The following CCSER1 variants were observed in gnomAD, a reference collection of about 807,000 sequenced individuals.
The protein encoded by CCSER1 is coiled-coil serine rich protein 1, also known as serine-rich coiled-coil domain-containing protein 1.
A neutral mutation model predicts 82.0 loss-of-function variants in CCSER1; 41 were observed. The ratio of observed to expected loss-of-function variants is 0.50; its 90% confidence interval spans 0.39 to 0.65. The LOEUF is 0.65. CCSER1 is among the 30% of genes least tolerant of loss of function. The probability of loss-of-function intolerance (pLI) is 0.00; values close to 1 mark genes in which losing one functional copy is unlikely to be tolerated. For missense variants in CCSER1, 1,119 were observed against 1,064.2 expected (o/e 1.05, Z -0.72); for synonymous variants, 414 against 383.9 (o/e 1.08, Z -0.92).
At chr4:90,184,457 A>C (rs1560760038) in intron 1 of CCSER1, among the ~76,000 whole-genome samples, 1 of 152,128 alleles carries the variant, frequency 6.6e-6, no homozygotes, top group Non-Finnish European at 1.5e-5. Flanking sequence ...ATTAAAAAAT[A>C]TTGCTGGAGC....
At chr4:91,595,519 GTGA>G (rs1037628135) in intron 10 of CCSER1, among the ~76,000 whole-genome samples, 17 of 152,204 alleles carry the variant, frequency 1.1e-4, no homozygotes, top group African/African-American at 3.8e-4. Flanking sequence ...TATTGTTACT[GTGA>G]TGATGATGAT....
At chr4:91,505,636 TCTGA>T (rs1419439160) in intron 10 of CCSER1, among the ~76,000 whole-genome samples, 1 of 152,196 alleles carries the variant, frequency 6.6e-6, no homozygotes, top group Non-Finnish European at 1.5e-5. Flanking sequence ...TAATCACCAT[TCTGA>T]CTGACATGAG....
intron 7 of CCSER1, among the ~76,000 whole-genome samples, chr4:90,803,972 T>C (rs1024620408): frequency 7.2e-5 from 11 of 152,328 alleles, no homozygotes; most frequent in African/African-American, 2.4e-4. Flanking sequence ...GTGATGATGA[T>C]TATTTTTTCT....
At chr4:91,523,621 GA>G (rs1760620394) in intron 10 of CCSER1, among the ~76,000 whole-genome samples, 1 of 152,158 alleles carries the variant, frequency 6.6e-6, no homozygotes, top group Admixed American at 6.5e-5. Flanking sequence ...ATGTGTCCAG[GA>G]ATTTATCCTT....
In CCSER1 at chr4:90,135,817, C is replaced by CAA. The variant is rs572132850; in HGVS notation, c.-42+7990_-42+7991dup. 2.0e-3 allele frequency among the ~76,000 whole-genome samples: 309 copies of CAA among 152,252 alleles called. 4 individuals are homozygous for CAA. Among genetic ancestry groups the CAA allele is most frequent in the African/African-American group, 6.6e-3 (273 of 41,548 alleles). ...TTATAGAGTTGAAGTCCGTCAGTTT[C>CAA]AAAAATAATCATGCACCTCTTATTG... On this transcript the variant is annotated intron_variant, in intron 1 of 10. Coordinates refer to ENST00000509176, the MANE Select transcript of CCSER1 (RefSeq NM_001145065.2).
chr4:90,583,155 A>T (rs1288145718), intron 5 of CCSER1, among the ~76,000 whole-genome samples: 1 of 152,078 alleles, frequency 6.6e-6, no homozygotes, highest in Admixed American at 6.6e-5. Context: ...TTCACATTTT[A>T]AAAATTTGTG....
At chr4:90,671,122 T>A (rs2149146956) in intron 6 of CCSER1, among the ~76,000 whole-genome samples, 1 of 152,222 alleles carries the variant, frequency 6.6e-6, no homozygotes, top group African/African-American at 2.4e-5. Flanking sequence ...AGTCATAATC[T>A]TTTTACTGAT....
intron 9 of CCSER1, among the ~76,000 whole-genome samples, chr4:91,079,835 G>GT (rs752128845): frequency 2.8e-4 from 43 of 151,888 alleles, no homozygotes; most frequent in Admixed American, 6.6e-5. Flanking sequence ...CCTATGTAAT[G>GT]GTAAAGGGAT....
intron 7 of CCSER1, among the ~76,000 whole-genome samples, chr4:90,786,292 A>G (rs532877097): frequency 2.0e-5 from 3 of 152,340 alleles, no homozygotes; most frequent in African/African-American, 4.8e-5. Context: ...ATGATGTTCA[A>G]GATATACAAA....
At chr4:91,108,101 C>T (rs753017472) in intron 10 of CCSER1, 22 of 152,132 alleles carry the variant, frequency 1.4e-4, no homozygotes, top group Admixed American at 5.9e-4. Flanking sequence ...GCAACTAACC[C>T]TATGAAGAGA....
chr4:90,887,353 T>C (rs752816856), intron 8 of CCSER1, among the ~76,000 whole-genome samples: 2 of 152,198 alleles, frequency 1.3e-5, no homozygotes, highest in Non-Finnish European at 2.9e-5. Context: ...CCCTGGTTCC[T>C]TGCCTACCTT....
At position 91,604,683 on chromosome 4, in the gene CCSER1, T is replaced by G. The variant is rs571479412; in HGVS notation, c.*5626T>G. On this transcript the variant is annotated 3_prime_UTR_variant, in exon 11 of 11. Coordinates refer to ENST00000509176, the MANE Select transcript of CCSER1 (RefSeq NM_001145065.2). ...CCTGTTTGTATTGCCTTATACATACTTAAAAAACAAGATATTTACAAAAAT... is the reference window on the plus strand; with the variant it reads ...CCTGTTTGTATTGCCTTATACATACGTAAAAAACAAGATATTTACAAAAAT... 1.3e-5 allele frequency: 2 copies of G among 152,170 alleles called. No homozygotes were observed. The highest frequency in any genetic ancestry group is 2.9e-5 in the Non-Finnish European group (2 of 67,922). 9.4% of individuals were successfully genotyped at this position (152,170 alleles called of 1,614,324 possible). A position where few individuals can be genotyped will look rare whatever the true frequency, so the allele number is the denominator to read the frequency against.
intron 9 of CCSER1, among the ~76,000 whole-genome samples, chr4:90,926,039 T>C (rs553665331): frequency 6.6e-6 from 1 of 152,144 alleles, no homozygotes; most frequent in South Asian, 2.1e-4. Context: ...TGGAAATATA[T>C]GATTCATAAA....
intron 2 of CCSER1, 52 bp downstream of exon 2, chr4:90,309,660 C>G (rs1734956859): frequency 1.2e-5 from 16 of 1,355,212 alleles, no homozygotes; most frequent in Middle Eastern, 5.3e-4. Flanking sequence ...TTTCATTATA[C>G]TTTATTCAGT....
intron 10 of CCSER1, among the ~76,000 whole-genome samples, chr4:91,267,906 A>G (rs1741725588): frequency 1.3e-5 from 2 of 152,228 alleles, no homozygotes; most frequent in African/African-American, 2.4e-5. Flanking sequence ...TGCATTTCAT[A>G]TTCTCAGCAT....
At chr4:90,614,727 G>A (rs1302137611) in intron 5 of CCSER1, among the ~76,000 whole-genome samples, 1 of 152,144 alleles carries the variant, frequency 6.6e-6, no homozygotes, top group African/African-American at 2.4e-5. Context: ...TGAGATTTAA[G>A]GAGAGAAGCT....
intron 10 of CCSER1, among the ~76,000 whole-genome samples, chr4:91,257,466 C>T (rs868225679): frequency 4.0e-5 from 3 of 74,256 alleles, no homozygotes; most frequent in Admixed American, 1.7e-4. Context: ...AGTTGGAATA[C>T]ATACCTACAC....
intron 10 of CCSER1, among the ~76,000 whole-genome samples, chr4:91,267,488 G>C (rs1316095300): frequency 6.6e-6 from 1 of 152,118 alleles, no homozygotes; most frequent in Non-Finnish European, 1.5e-5. Context: ...GTAGTGTGGA[G>C]TACTGACATT....
intron 4 of CCSER1, among the ~76,000 whole-genome samples, chr4:90,451,687 C>T (rs1469140253): frequency 2.6e-5 from 4 of 152,138 alleles, no homozygotes; most frequent in African/African-American, 4.8e-5. Flanking sequence ...CAGAGGAATA[C>T]TGAGGTTTCA....
Sources: allele counts gnomAD v4.1 joint callset (sites outside exome capture counted in the v4.1 genomes callset), GRCh38; gene constraint gnomAD v4.1.1; transcripts MANE v1.5; gene names NCBI Gene and HGNC (gene_info 2026-07-23, HGNC 2026-07-21).